Variants in HLCS observed in about 807,000 individuals in gnomAD.
HLCS encodes holocarboxylase synthetase.
A neutral mutation model predicts 75.0 loss-of-function variants in HLCS; 53 were observed. The ratio of observed to expected loss-of-function variants is 0.71; its 90% CI spans 0.57 to 0.89. The LOEUF (loss-of-function observed/expected upper bound fraction) is 0.89. HLCS is among the 40% of genes least tolerant of loss of function. HLCS has a pLI of 0.00. For synonymous variants in HLCS, 431 were observed against 428.6 expected (o/e 1.01, Z -0.07); for missense variants, 966 against 1,074.0 (o/e 0.90, Z 1.41).
chr21:36,759,968 C>G lies in HLCS; in HGVS notation c.2122-127G>C, dbSNP rs1025897854. The G allele has an allele frequency of 3.1e-5, 23 of 731,132 alleles. No homozygotes were observed. In the Middle Eastern group the frequency reaches 6.9e-4, roughly 22 times the overall value. 45.3% of individuals were successfully genotyped at this position (731,132 alleles called of 1,614,324 possible). A position where few individuals can be genotyped will look rare whatever the true frequency, so the allele number is the denominator to read the frequency against. ...GCCTCGTCCTCTCCTCTTTTTCAGG[C>G]AGCTAATCACTTCTTTGGGACAATC... On this transcript the variant is annotated intron_variant, in intron 8 of 10. Transcript: ENST00000674895.
intron 8 of HLCS, among the ~76,000 whole-genome samples, chr21:36,760,358 C>T (rs1296649745): frequency 2.6e-5 from 4 of 152,162 alleles, no homozygotes; most frequent in Non-Finnish European, 4.4e-5. Flanking sequence ...CACCTGTAAT[C>T]CCAGCACTTT....
At chr21:36,762,260 G>A (rs970507376) in intron 8 of HLCS, among the ~76,000 whole-genome samples, 14 of 152,246 alleles carry the variant, frequency 9.2e-5, no homozygotes, top group African/African-American at 2.4e-5. Flanking sequence ...CAGTGCTGGA[G>A]GAAAGAGCTG....
At chr21:36,980,815 G>T (rs1341287339) in intron 1 of HLCS, 1 of 152,590 alleles carries the variant, frequency 6.6e-6, no homozygotes, top group Non-Finnish European at 1.5e-5. Context: ...GACGCCCCTC[G>T]GCGCAGCCCC....
intron 5 of HLCS, among the ~76,000 whole-genome samples, chr21:36,911,588 CA>C (rs558117640): frequency 3.7e-4 from 53 of 143,620 alleles, no homozygotes; most frequent in African/African-American, 3.6e-4. Context: ...ACTAAAAATA[CA>C]AAAAAAAAAA....
Position 36,769,896 on chromosome 21 carries a change from C to T in HLCS, c.1893-2611G>A, listed in dbSNP as rs532458830. Among the ~76,000 whole-genome samples the T allele has an allele frequency of 5.9e-5, 9 of 152,262 alleles. No homozygotes were observed. In the South Asian group the frequency reaches 1.7e-3, roughly 28 times the overall value. On this transcript the variant is annotated intron_variant, in intron 6 of 10. Transcript: ENST00000674895. ...AATGAACAAAAACGTAAATTCAGAC[C>T]AAGTCCATCCACTTCGGGGATCTGA...
intron 5 of HLCS, among the ~76,000 whole-genome samples, chr21:36,919,443 T>C (rs1271918432): frequency 6.6e-6 from 1 of 152,162 alleles, no homozygotes; most frequent in Admixed American, 6.5e-5. Context: ...ATGTCCTGAG[T>C]TGAACGATGG....
intron 6 of HLCS, among the ~76,000 whole-genome samples, chr21:36,895,702 T>A (rs1037763670): frequency 6.6e-6 from 1 of 152,146 alleles, no homozygotes; most frequent in African/African-American, 2.4e-5. Context: ...CCAGAAACTA[T>A]TATCAAGAAA....
chr21:36,939,558 G>A (rs1366312102), intron 2 of HLCS, among the ~76,000 whole-genome samples: 1 of 152,302 alleles, frequency 6.6e-6, no homozygotes, highest in East Asian at 1.9e-4. Context: ...CACTCGAACT[G>A]TGAGAACAAT....
chr21:36,924,911 CA>C (rs2066334139), intron 5 of HLCS, among the ~76,000 whole-genome samples: 1 of 152,110 alleles, frequency 6.6e-6, no homozygotes, highest in African/African-American at 2.4e-5. Context: ...GTCTGAAAAG[CA>C]GCTCCATCTC....
chr21:36,832,301 C>T (rs1216257106), intron 6 of HLCS, among the ~76,000 whole-genome samples: 35 of 152,138 alleles, frequency 2.3e-4, no homozygotes. Flanking sequence ...CAAAGATTTC[C>T]CTGACTATGC....
At chr21:36,843,721 G>C (rs1269724648) in intron 6 of HLCS, among the ~76,000 whole-genome samples, 3 of 152,024 alleles carry the variant, frequency 2.0e-5, no homozygotes, top group Non-Finnish European at 4.4e-5. Context: ...TGTCAAACTA[G>C]GCTGAGTGCA....
At chr21:36,913,214 A>G (rs1289729525) in intron 5 of HLCS, among the ~76,000 whole-genome samples, 1 of 152,072 alleles carries the variant, frequency 6.6e-6, no homozygotes, top group African/African-American at 2.4e-5. Context: ...CATGAAACCA[A>G]ATCTGTCTGG....
chr21:36,888,445 A>AAAAT (rs2064596202), intron 6 of HLCS, among the ~76,000 whole-genome samples: 7 of 24,096 alleles, frequency 2.9e-4, no homozygotes, highest in Admixed American at 2.2e-3. Flanking sequence ...AAAAAAAAAA[A>AAAAT]ATATATATAT....
At chr21:36,886,432 C>CAAAAAA (rs11297170) in intron 6 of HLCS, among the ~76,000 whole-genome samples, 2 of 66,914 alleles carry the variant, frequency 3.0e-5, no homozygotes, top group Non-Finnish European at 2.8e-5. Flanking sequence ...GACTCCATCT[C>CAAAAAA]AAAAAAAAAA....
chr21:36,793,270 A>G lies in HLCS; in HGVS notation c.1893-25985T>C, dbSNP rs1015300105. On this transcript the variant is annotated intron_variant, in intron 6 of 10. Transcript: ENST00000674895. ...GGTGTGTGCCTGTCGGAGGGCTCGG[A>G]GAACACGGGACAGCAGGAAGCAGTC... 3.9e-4 allele frequency among the ~76,000 whole-genome samples: 58 copies of G among 148,838 alleles called. 1 individual carries two copies. Among genetic ancestry groups the G allele is most frequent in the African/African-American group, 1.4e-3 (58 of 40,486 alleles).
chr21:36,966,131 C>T (rs2068561356), intron 1 of HLCS, among the ~76,000 whole-genome samples: 1 of 152,200 alleles, frequency 6.6e-6, no homozygotes, highest in African/African-American at 2.4e-5. Context: ...AGGTTGGGGG[C>T]GACCCCAGGT....
chr21:36,764,571 G>A (rs2089967638), intron 8 of HLCS, among the ~76,000 whole-genome samples: 1 of 151,888 alleles, frequency 6.6e-6, no homozygotes, highest in Non-Finnish European at 1.5e-5. Flanking sequence ...CAGGGGTGGT[G>A]GTGTGTACCT....
chr21:36,957,985 T>G (rs1227199030), intron 2 of HLCS, among the ~76,000 whole-genome samples: 2 of 150,660 alleles, frequency 1.3e-5, no homozygotes, highest in African/African-American at 4.9e-5. Context: ...CCCAGCACTT[T>G]GGGAGGCCGA....
chr21:36,800,058 A>C (rs1436170508), intron 6 of HLCS, among the ~76,000 whole-genome samples: 1 of 152,146 alleles, frequency 6.6e-6, no homozygotes, highest in Non-Finnish European at 1.5e-5. Flanking sequence ...CACATTTATG[A>C]ACCGTGATCA....
Sources: allele counts gnomAD v4.1 joint callset (sites outside exome capture counted in the v4.1 genomes callset), GRCh38; gene constraint gnomAD v4.1.1; transcripts MANE v1.5; gene names NCBI Gene and HGNC (gene_info 2026-07-23, HGNC 2026-07-21).